The following LRRC7 variants were observed in gnomAD, a reference collection of about 807,000 sequenced individuals.
LRRC7 encodes the protein leucine-rich repeat-containing protein 7.
In LRRC7, 23 loss-of-function variants were observed where a neutral mutation model predicts 175.7. The ratio of observed to expected loss-of-function variants is 0.13; its 90% CI spans 0.09 to 0.19. LRRC7 has a LOEUF of 0.19. Among genes scored for constraint, LRRC7 ranks in the 10% least tolerant of loss-of-function variants. LRRC7 has a pLI of 1.00. For missense variants in LRRC7, 1,354 were observed against 1,904.7 expected (o/e 0.71, Z 5.38); for synonymous variants, 685 against 680.9 (o/e 1.01, Z -0.09).
chr1:69,774,887 A>C (rs1451575079), intron 3 of LRRC7, among the ~76,000 whole-genome samples: 2 of 150,026 alleles, frequency 1.3e-5, no homozygotes, highest in Non-Finnish European at 2.9e-5. Flanking sequence ...AAGACAAAGA[A>C]ATACACGCAC....
chr1:69,757,523 T>C lies in LRRC7; in HGVS notation c.101-2668T>C, dbSNP rs145051586. 1.2e-3 allele frequency among the ~76,000 whole-genome samples: 182 copies of C among 152,014 alleles called. 2 individuals are homozygous for C. Among genetic ancestry groups the C allele is most frequent in the Middle Eastern group, 6.8e-3 (2 of 294 alleles). On this transcript the variant is annotated intron_variant, in intron 2 of 26. Coordinates refer to ENST00000651989, the MANE Select transcript of LRRC7 (RefSeq NM_001370785.2). ...GGGCCAAGGAAGTAGTTCAGCCTGT[T>C]GTGGGATGAGCAAAGAAATACAAAA...
chr1:69,682,137 C>T (rs999799328), intron 2 of LRRC7, among the ~76,000 whole-genome samples: 1 of 152,054 alleles, frequency 6.6e-6, no homozygotes, highest in African/African-American at 2.4e-5. Context: ...TTCTAGAGGA[C>T]TCCAGAAGCT....
chr1:69,955,300 A>T (rs1287513060), intron 8 of LRRC7, among the ~76,000 whole-genome samples: 1 of 152,060 alleles, frequency 6.6e-6, no homozygotes, highest in Non-Finnish European at 1.5e-5. Flanking sequence ...CAGCTATGCC[A>T]AGTGTTGAGG....
At chr1:69,972,900 G>C (rs539787251) in intron 8 of LRRC7, among the ~76,000 whole-genome samples, 21 of 147,082 alleles carry the variant, frequency 1.4e-4, no homozygotes, top group Non-Finnish European at 3.1e-4. Context: ...TAGGGAAACT[G>C]TTTATATATA....
At chr1:69,605,162 A>G (rs1452208671) in intron 1 of LRRC7, among the ~76,000 whole-genome samples, 1 of 152,110 alleles carries the variant, frequency 6.6e-6, no homozygotes, top group Non-Finnish European at 1.5e-5. Context: ...GGTCTTTGCC[A>G]TGCTGTTCTC....
At chr1:69,617,963 A>G (rs1204058670) in intron 1 of LRRC7, among the ~76,000 whole-genome samples, 3 of 152,102 alleles carry the variant, frequency 2.0e-5, no homozygotes, top group Non-Finnish European at 4.4e-5. Context: ...GAGGGACATA[A>G]TAGGAACTCT....
chr1:69,719,376 CTTTTTG>C (rs1557645372), intron 2 of LRRC7, among the ~76,000 whole-genome samples: 1 of 151,550 alleles, frequency 6.6e-6, no homozygotes, highest in East Asian at 1.9e-4. Context: ...TTCCCACATT[CTTTTTG>C]TTTTTAAGTA....
chr1:69,920,034 C>T, intron 7 of LRRC7: 1 of 422,942 alleles, frequency 2.4e-6, no homozygotes, highest in South Asian at 3.0e-5. Flanking sequence ...CCAGTTGGGG[C>T]TGCGACCTCC....
At chr1:69,747,125 C>T (rs145588634) in intron 2 of LRRC7, among the ~76,000 whole-genome samples, 263 of 152,266 alleles carry the variant, frequency 1.7e-3, no homozygotes, top group Admixed American at 2.9e-3. Flanking sequence ...ACATCTGCAA[C>T]AACCCCTTTC....
chr1:69,759,780 G>GT (rs1264149560), intron 2 of LRRC7, among the ~76,000 whole-genome samples: 2 of 151,914 alleles, frequency 1.3e-5, no homozygotes, highest in Admixed American at 6.6e-5. Flanking sequence ...TGGGAGAAAT[G>GT]TTTTTTTCCG....
At chr1:69,839,325 A>T (rs181563179) in intron 7 of LRRC7, among the ~76,000 whole-genome samples, 115 of 152,222 alleles carry the variant, frequency 7.6e-4, no homozygotes, top group Non-Finnish European at 1.0e-3. Context: ...ATAAAGATAA[A>T]ACACCTCCTT....
chr1:69,612,352 A>G (rs1648904019), intron 1 of LRRC7, among the ~76,000 whole-genome samples: 1 of 152,054 alleles, frequency 6.6e-6, no homozygotes, highest in Non-Finnish European at 1.5e-5. Flanking sequence ...TTTCTATTTC[A>G]TTTCGCTAGA....
intron 1 of LRRC7, among the ~76,000 whole-genome samples, chr1:69,589,386 C>T (rs1646540588): frequency 1.3e-5 from 2 of 152,064 alleles, no homozygotes. Flanking sequence ...ATCCTTCCAC[C>T]CTTTCAGCAC....
At chr1:69,678,585 T>G in intron 2 of LRRC7, 107 bp downstream of exon 2, 1 of 742,780 alleles carries the variant, frequency 1.3e-6, no homozygotes. Context: ...ATAGAATATT[T>G]GTTGAGTCGA....
chr1:69,786,303 C>T (rs913260783), intron 3 of LRRC7, among the ~76,000 whole-genome samples: 2 of 152,060 alleles, frequency 1.3e-5, no homozygotes, highest in African/African-American at 4.8e-5. Flanking sequence ...TTGTGGTTGG[C>T]AATTCCTAGA....
chr1:69,614,458 C>T (rs933777969), intron 1 of LRRC7, among the ~76,000 whole-genome samples: 1 of 152,030 alleles, frequency 6.6e-6, no homozygotes, highest in Non-Finnish European at 1.5e-5. Flanking sequence ...GCCACTAAAA[C>T]TGAATGCAAA....
intron 25 of LRRC7, among the ~76,000 whole-genome samples, chr1:70,094,824 T>C (rs1234579273): frequency 1.3e-5 from 2 of 152,148 alleles, no homozygotes; most frequent in Non-Finnish European, 2.9e-5. Flanking sequence ...CTTCATGACA[T>C]TGGGTGATCC....
rs545852711 is a variant in LRRC7, at chr1:69,594,095, A to G, written c.2+25454A>G. ...AGTGTCTAATATATTGAACTCAATA[A>G]TTGGTAGGAGTTATTAAAATATTAA... On this transcript the variant is annotated intron_variant, in intron 1 of 26. Coordinates refer to ENST00000651989, the MANE Select transcript of LRRC7 (RefSeq NM_001370785.2). Among the ~76,000 whole-genome samples the G allele has an allele frequency of 2.5e-4, 38 of 152,332 alleles. 1 individual carries two copies. In the South Asian group the frequency reaches 7.7e-3, roughly 31 times the overall value.
intron 4 of LRRC7, among the ~76,000 whole-genome samples, chr1:69,818,537 C>T (rs61784017): frequency 0.099 from 14,980 of 152,024 alleles, 797 homozygotes; most frequent in African/African-American, 0.14. Context: ...AGGATTTTTG[C>T]ACATATGTTC....
Sources: allele counts gnomAD v4.1 joint callset (sites outside exome capture counted in the v4.1 genomes callset), GRCh38; gene constraint gnomAD v4.1.1; transcripts MANE v1.5; gene names NCBI Gene and HGNC (gene_info 2026-07-23, HGNC 2026-07-21).